ZMYM2: variants seen among roughly 807,000 people sequenced by gnomAD.
ZMYM2 encodes the protein zinc finger MYM-type containing 2, also known as zinc finger MYM-type protein 2.
A neutral mutation model predicts 162.8 loss-of-function variants in ZMYM2; 56 were observed. The observed-to-expected ratio is 0.34, with a 90% CI of 0.28 to 0.43. ZMYM2 has a LOEUF of 0.43. ZMYM2 is among the 20% of genes least tolerant of loss of function. The pLI, the probability that ZMYM2 is intolerant of heterozygous loss-of-function variation, is 1.00. For synonymous variants in ZMYM2, 510 were observed against 541.6 expected (o/e 0.94, Z 0.81); for missense variants, 1,275 against 1,621.8 (o/e 0.79, Z 3.67).
rs748344244 is a variant in ZMYM2, at chr13:20,002,953, G to C, written c.951G>C (p.Pro317=). ...CACTTCCTAAACAGATTTTCCAGCCGTCTGTCCAACAGCAGCCTACTAAAC... is the reference window on the plus strand; with the variant it reads ...CACTTCCTAAACAGATTTTCCAGCCCTCTGTCCAACAGCAGCCTACTAAAC... The part of the protein sequence containing the change: ...VASLPKQIFQ[P]SVQQQPTKPV... Residue 317 remains proline, a synonymous_variant, in exon 4 of 25, where the codon CCG becomes CCC. Transcript: ENST00000610343. The C allele has an allele frequency of 3.1e-6, 5 of 1,613,948 alleles. No homozygotes were observed. Among genetic ancestry groups the C allele is most frequent in the Non-Finnish European group, 4.2e-6 (5 of 1,180,028 alleles).
At chr13:19,976,377 G>A (rs560898489) in intron 2 of ZMYM2, among the ~76,000 whole-genome samples, 19 of 150,880 alleles carry the variant, frequency 1.3e-4, no homozygotes, top group African/African-American at 3.9e-4. Context: ...ATCCTAGTGC[G>A]TGTGAAATGG....
At chr13:19,990,184 GT>G (rs1333132245) in intron 2 of ZMYM2, among the ~76,000 whole-genome samples, 1 of 152,192 alleles carries the variant, frequency 6.6e-6, no homozygotes, top group Non-Finnish European at 1.5e-5. Context: ...AGGCAGGGCT[GT>G]TTACCTGTTT....
intron 14 of ZMYM2, among the ~76,000 whole-genome samples, chr13:20,057,042 G>A (rs1348968030): frequency 2.6e-5 from 4 of 152,108 alleles, no homozygotes; most frequent in Admixed American, 1.3e-4. Context: ...ACCACACAGC[G>A]CAGTACCTCA....
At chr13:20,064,932 A>T (rs2140858298) in intron 19 of ZMYM2, among the ~76,000 whole-genome samples, 1 of 152,176 alleles carries the variant, frequency 6.6e-6, no homozygotes, top group East Asian at 1.9e-4. Flanking sequence ...ATTTGACAAA[A>T]ATTTAGACTG....
rs927593 is a variant in ZMYM2 at position 19,959,765 on chromosome 13, A to G, written c.-79-193A>G. On this transcript the variant is annotated intron_variant, in intron 1 of 24. Coordinates refer to ENST00000610343, the MANE Select transcript of ZMYM2 (RefSeq NM_197968.4). The stretch of plus-strand genomic sequence containing the variant: ...GCCTTTCACATGGGTTTTGGCCCCA[A>G]ATATGTATTTTGCGCTGTTTTGCCC... The G allele has an allele frequency of 0.99, 150,222 of 152,496 alleles. 74,029 individuals are homozygous for G. Among genetic ancestry groups the G allele is most frequent in the Middle Eastern group, 1 (296 of 296 alleles). 9.4% of individuals were successfully genotyped at this position (152,496 alleles called of 1,614,324 possible). A position where few individuals can be genotyped will look rare whatever the true frequency, so the allele number is the denominator to read the frequency against.
intron 2 of ZMYM2, chr13:19,965,092 A>G: frequency 2.3e-6 from 1 of 429,944 alleles, no homozygotes; most frequent in Non-Finnish European, 3.6e-6. Flanking sequence ...ATAATAAAAA[A>G]AAAAAAAGAA....
chr13:19,989,505 T>C (rs1390415488), intron 2 of ZMYM2, among the ~76,000 whole-genome samples: 1 of 152,124 alleles, frequency 6.6e-6, no homozygotes, highest in East Asian at 1.9e-4. Context: ...GGTTTCACCA[T>C]GTAGGCCAGA....
At chr13:20,044,035 G>A (rs1422882428) in intron 12 of ZMYM2, among the ~76,000 whole-genome samples, 1 of 152,156 alleles carries the variant, frequency 6.6e-6, no homozygotes, top group Admixed American at 6.5e-5. Context: ...ATTAAGGGAT[G>A]CTCAGGTCAG....
At chr13:19,870,319 C>A in the ZMYM2 span, among the ~76,000 whole-genome samples, 2 of 152,186 alleles carry the variant, frequency 1.3e-5, no homozygotes, top group East Asian at 3.9e-4. Context: ...CCATACCCAG[C>A]TAATTTTTGT....
intron 2 of ZMYM2, among the ~76,000 whole-genome samples, chr13:19,978,578 G>C (rs894034735): frequency 6.6e-6 from 1 of 151,914 alleles, no homozygotes; most frequent in Non-Finnish European, 1.5e-5. Flanking sequence ...CACCACGCCA[G>C]CTAATTTTGT....
the ZMYM2 span, among the ~76,000 whole-genome samples, chr13:19,899,661 C>A: frequency 6.6e-6 from 1 of 150,980 alleles, no homozygotes; most frequent in Non-Finnish European, 1.5e-5. Context: ...ACTAAAAATA[C>A]AAAAAATTAT....
rs141442246 is a variant in ZMYM2, at chr13:20,053,664, A to C, written c.2493+1353A>C. ...TGAAACTCCATCTCCATTAACAACA[A>C]CAAAAAAAAGTTATTTAGGATGCTG... On this transcript the variant is annotated intron_variant, in intron 14 of 24. Coordinates refer to ENST00000610343, the MANE Select transcript of ZMYM2 (RefSeq NM_197968.4). 2.3e-3 allele frequency among the ~76,000 whole-genome samples: 353 copies of C among 152,240 alleles called. 2 individuals carry two copies. Among genetic ancestry groups the C allele is most frequent in the African/African-American group, 7.9e-3 (330 of 41,544 alleles).
At chr13:19,997,110 A>G (rs1411646343) in intron 3 of ZMYM2, among the ~76,000 whole-genome samples, 2 of 152,038 alleles carry the variant, frequency 1.3e-5, no homozygotes, top group Non-Finnish European at 2.9e-5. Context: ...CTTTTTTTGT[A>G]TTTTGTTAAC....
At position 20,003,080 on chromosome 13, in the gene ZMYM2, C is replaced by G; in HGVS notation, c.1078C>G (p.Leu360Val). 6.2e-7 allele frequency: 1 copy of G among 1,614,208 alleles called. No individual in the cohort carries two copies. The highest frequency in any genetic ancestry group is 8.5e-7 in the Non-Finnish European group (1 of 1,180,028). Residue 360 changes from leucine (L) to valine (V), a missense_variant, in exon 4 of 25, where the codon CTT becomes GTT. Leu to Val is a conservative substitution (Grantham distance 32). Around this residue, in one of 10 missense-constraint regions of ZMYM2, gnomAD observed 115 missense variants for 175.3 expected, o/e 0.66. Transcript: ENST00000610343. ...TCACCTCTTTTGTTCTACCACCTGC[C>G]TTTCTTCCTTCTCCCACAAGCCTGC... ...SAHLFCSTTCLSSFSHKPAPK... is the reference protein window; with the variant it reads ...SAHLFCSTTCVSSFSHKPAPK...
chr13:19,884,223 G>A, the ZMYM2 span, among the ~76,000 whole-genome samples: 2 of 152,028 alleles, frequency 1.3e-5, no homozygotes, highest in Non-Finnish European at 2.9e-5. Context: ...TTAAAAATTA[G>A]CCAAGCACAG....
At chr13:19,936,984 A>G in the ZMYM2 span, among the ~76,000 whole-genome samples, 1 of 152,168 alleles carries the variant, frequency 6.6e-6, no homozygotes, top group African/African-American at 2.4e-5. Context: ...TGTTATTAAC[A>G]TTGTTAAGAT....
At chr13:19,966,762 A>C (rs1270896760) in intron 2 of ZMYM2, among the ~76,000 whole-genome samples, 1 of 152,196 alleles carries the variant, frequency 6.6e-6, no homozygotes, top group Non-Finnish European at 1.5e-5. Flanking sequence ...TTACCTAAAG[A>C]AAAATTTGCA....
chr13:19,969,535 G>A (rs755009588), intron 2 of ZMYM2, among the ~76,000 whole-genome samples: 29 of 152,284 alleles, frequency 1.9e-4, no homozygotes, highest in Non-Finnish European at 3.2e-4. Context: ...GGTAGTTATT[G>A]TGTTAGATGT....
At chr13:19,900,900 C>T in the ZMYM2 span, among the ~76,000 whole-genome samples, 10 of 152,088 alleles carry the variant, frequency 6.6e-5, no homozygotes, top group African/African-American at 2.4e-4. Flanking sequence ...GGCGTGGTGG[C>T]GGGCGCCTGT....
Sources: gnomAD v4.1 joint callset for allele counts (sites outside exome capture counted in the v4.1 genomes callset) on GRCh38, gnomAD v4.1.1 for gene constraint, gnomAD v4.1.1 regional missense constraint, MANE v1.5 for transcripts, NCBI Gene and HGNC (gene_info 2026-07-23, HGNC 2026-07-21) for gene names.